EXT2: variants seen among roughly 807,000 people sequenced by gnomAD.
EXT2 encodes exostosin glycosyltransferase 2.
Under a neutral mutation model 81.6 loss-of-function variants are expected in EXT2, and 53 were observed. The observed-to-expected ratio is 0.65, with a 90% CI of 0.52 to 0.82. The LOEUF (loss-of-function observed/expected upper bound fraction) is 0.82. EXT2 is among the 40% of genes least tolerant of loss of function. The pLI, the probability that EXT2 is intolerant of heterozygous loss-of-function variation, is 0.00. For synonymous variants in EXT2, 320 were observed against 340.0 expected, an observed-to-expected ratio of 0.94 and a Z score of 0.65; for missense variants, 774 against 910.2, an observed-to-expected ratio of 0.85 and a Z score of 1.93.
intron 11 of EXT2, among the ~76,000 whole-genome samples, chr11:44,233,385 A>G (rs1380280955): frequency 6.6e-6 from 1 of 152,216 alleles, no homozygotes; most frequent in Non-Finnish European, 1.5e-5. Flanking sequence ...TACTAGTAAG[A>G]CTGAAATTCC....
chr11:44,215,787 T>A (rs1955710386), intron 10 of EXT2, among the ~76,000 whole-genome samples: 1 of 152,098 alleles, frequency 6.6e-6, no homozygotes, highest in Non-Finnish European at 1.5e-5. Context: ...CAAAGAGAAA[T>A]CATGCAGCAG....
chr11:44,150,527 A>G (rs1341772284), intron 7 of EXT2, among the ~76,000 whole-genome samples: 3 of 152,246 alleles, frequency 2.0e-5, no homozygotes, highest in Non-Finnish European at 4.4e-5. Flanking sequence ...GAAGAAAGCA[A>G]TATGTGTTCA....
At chr11:44,101,750 G>A (rs1953985558) in intron 1 of EXT2, among the ~76,000 whole-genome samples, 1 of 152,134 alleles carries the variant, frequency 6.6e-6, no homozygotes, top group South Asian at 2.1e-4. Context: ...GTATCAATGA[G>A]GATGATAGGA....
rs1954268060 is a variant in EXT2, at chr11:44,119,127, TATATATATATATATA to T, written c.743+4827_743+4841del. ...CCCCCAGGGGACATTTGGCTATTTA[TATATATATATATATA>T]TATATATATATATATATATATATAT... On this transcript the variant is annotated intron_variant, in intron 4 of 13. Coordinates refer to ENST00000533608, the MANE Select transcript of EXT2 (RefSeq NM_207122.2). Among the ~76,000 whole-genome samples the T allele has an allele frequency of 1.0e-3, 29 of 28,798 alleles. 1 individual carries two copies. Among genetic ancestry groups the T allele is most frequent in the East Asian group, 2.8e-3 (3 of 1,056 alleles). 18.9% of individuals were successfully genotyped at this position (28,798 alleles called of 152,430 possible). A position where few individuals can be genotyped will look rare whatever the true frequency, so the allele number is the denominator to read the frequency against.
rs563707037 is a variant in EXT2, at chr11:44,120,472, A to G, written c.744-4317A>G. ...ATGCACTTGTGGTGTTAACTTTTAT[A>G]TAAGAACATCTCCTACCACCACCCC... On this transcript the variant is annotated intron_variant, in intron 4 of 13. Coordinates refer to ENST00000533608, the MANE Select transcript of EXT2 (RefSeq NM_207122.2). Among the ~76,000 whole-genome samples, 10 of 152,304 alleles carry G rather than the reference A, an allele frequency of 6.6e-5. No homozygotes were observed. The South Asian group carries it at 1.2e-3, about 19-fold the overall frequency.
chr11:44,194,654 A>G (rs772838085), intron 8 of EXT2, among the ~76,000 whole-genome samples: 9 of 152,000 alleles, frequency 5.9e-5, no homozygotes, highest in Non-Finnish European at 1.2e-4. Context: ...GAGAACAATA[A>G]CCGTATCTAT....
chr11:44,197,877 C>G lies in EXT2; in HGVS notation c.1354C>G (p.Gln452Glu), dbSNP rs1955475218. Residue 452 changes from glutamine to glutamate, a missense_variant, in exon 9 of 14, where the codon CAG (glutamine) becomes GAG (glutamate). Gln to Glu is a conservative substitution (Grantham distance 29). Coordinates refer to ENST00000533608, the MANE Select transcript of EXT2 (RefSeq NM_207122.2). ...ACTCTTCCTCCCGCTGATCCCACCA[C>G]AGTCTCAAGGGTTCACCGCCATAGT... ...NPLFLPLIPP[Q>E]SQGFTAIVLT... The G allele has an allele frequency of 6.2e-7, 1 of 1,614,006 alleles. No individual in the cohort carries two copies. Among genetic ancestry groups the G allele is most frequent in the Admixed American group, 1.7e-5 (1 of 60,006 alleles).
rs765037177 is a variant in EXT2, at chr11:44,126,876, G to A, written c.1000G>A (p.Val334Met). 1.1e-5 allele frequency: 18 copies of A among 1,614,068 alleles called. No individual in the cohort carries two copies. Among genetic ancestry groups the A allele is most frequent in the African/African-American group, 8.0e-5 (6 of 74,920 alleles). The change falls in exon 6 of 14, where the codon GTG (valine) becomes ATG (methionine). Residue 334 changes from valine (V) to methionine (M), a missense_variant. This residue lies in a region of EXT2 where 626 missense variants were observed against 670.5 expected (regional missense o/e 0.93). Transcript: ENST00000533608. ...ARLGQAVLSD[V>M]LQAGCVPVVI... is the part of the protein sequence containing the mutation. The stretch of plus-strand genomic sequence containing the variant: ...GCTGGGCCAGGCAGTATTGAGCGAT[G>A]TGTTACAAGCTGGCTGTGTCCCGGT...
chr11:44,174,724 A>G (rs547691899), intron 8 of EXT2, among the ~76,000 whole-genome samples: 141 of 152,002 alleles, frequency 9.3e-4, no homozygotes, highest in Non-Finnish European at 1.3e-3. Context: ...TTTTTCTTTT[A>G]TCTAATTGCA....
chr11:44,249,987 G>A lies in EXT2; in HGVS notation c.*5700G>A, dbSNP rs533261765. Among the ~76,000 whole-genome samples, 1 of 152,312 alleles carries A rather than the reference G, an allele frequency of 6.6e-6. No individual in the cohort carries two copies. Among genetic ancestry groups the A allele is most frequent in the Admixed American group, 6.5e-5 (1 of 15,298 alleles). The stretch of plus-strand genomic sequence containing the variant: ...CGGGAGGCTGAGGCAGGAGAATGGC[G>A]TGAACCTGAGAGGTGGAGCTTGCAG... On this transcript the variant is annotated 3_prime_UTR_variant, in exon 14 of 14. Coordinates refer to ENST00000533608, the MANE Select transcript of EXT2 (RefSeq NM_207122.2).
chr11:44,241,643 C>A (rs1277066498), intron 13 of EXT2, among the ~76,000 whole-genome samples: 1 of 152,108 alleles, frequency 6.6e-6, no homozygotes, highest in African/African-American at 2.4e-5. Context: ...AAATAGAAAA[C>A]CATTAGTTCT....
intron 10 of EXT2, among the ~76,000 whole-genome samples, chr11:44,226,020 A>G (rs1955834727): frequency 6.6e-6 from 1 of 152,254 alleles, no homozygotes; most frequent in Non-Finnish European, 1.5e-5. Context: ...CTTTGGCAGT[A>G]TCTTCCTAGT....
chr11:44,101,333 T>C (rs1293021053), intron 1 of EXT2, among the ~76,000 whole-genome samples: 1 of 152,172 alleles, frequency 6.6e-6, no homozygotes, highest in Non-Finnish European at 1.5e-5. Context: ...CCAGGGCTGA[T>C]TTTGCCTCCC....
At chr11:44,106,354 C>T (rs1954054839) in intron 1 of EXT2, among the ~76,000 whole-genome samples, 1 of 152,072 alleles carries the variant, frequency 6.6e-6, no homozygotes, top group Non-Finnish European at 1.5e-5. Flanking sequence ...CTACCCCATT[C>T]CTTTCTTCAT....
chr11:44,128,850 T>C (rs1480894508), intron 6 of EXT2, among the ~76,000 whole-genome samples: 3 of 152,222 alleles, frequency 2.0e-5, no homozygotes, highest in Admixed American at 1.3e-4. Context: ...TTTACTTACT[T>C]AACAAATGTT....
At chr11:44,212,087 C>T (rs942890961) in intron 10 of EXT2, among the ~76,000 whole-genome samples, 5 of 151,712 alleles carry the variant, frequency 3.3e-5, no homozygotes, top group Non-Finnish European at 7.4e-5. Context: ...AATTTGAGAC[C>T]AGTCTGGCCA....
chr11:44,210,075 G>A (rs369533047), intron 10 of EXT2, among the ~76,000 whole-genome samples: 13 of 152,186 alleles, frequency 8.5e-5, no homozygotes, highest in East Asian at 7.7e-4. Context: ...CATCCATTTT[G>A]GAAAGCAGTT....
At chr11:44,216,376 A>C (rs1161205619) in intron 10 of EXT2, among the ~76,000 whole-genome samples, 1 of 152,238 alleles carries the variant, frequency 6.6e-6, no homozygotes, top group Non-Finnish European at 1.5e-5. Context: ...TCAATGCATA[A>C]AAAATGTCAG....
intron 8 of EXT2, among the ~76,000 whole-genome samples, chr11:44,193,999 T>C (rs7121136): frequency 0.83 from 127,041 of 152,202 alleles, 54,669 homozygotes; most frequent in East Asian, 0.99. Context: ...GCGACTCTGG[T>C]TCCATGTCCC....
Sources: gnomAD v4.1 joint callset for allele counts (sites outside exome capture counted in the v4.1 genomes callset) on GRCh38, gnomAD v4.1.1 for gene constraint, gnomAD v4.1.1 regional missense constraint, MANE v1.5 for transcripts, NCBI Gene and HGNC (gene_info 2026-07-23, HGNC 2026-07-21) for gene names.